The following DNAH8 variants were observed in gnomAD, a reference collection of about 807,000 sequenced individuals.
DNAH8 encodes the protein dynein axonemal heavy chain 8.
In DNAH8, 382 loss-of-function variants were observed where a neutral mutation model predicts 562.1. The observed-to-expected ratio is 0.68, with a 90% CI of 0.63 to 0.74. The LOEUF (loss-of-function observed/expected upper bound fraction) is 0.74. Ranked by LOEUF, DNAH8 falls within the 30% of genes least tolerant of loss-of-function variation. The pLI is 0.00. For synonymous variants in DNAH8, 1,881 were observed against 1,919.4 expected (o/e 0.98, Z 0.52); for missense variants, 5,203 against 5,620.4 (o/e 0.93, Z 2.37).
chr6:39,009,045 AG>A (rs1766002398), intron 89 of DNAH8, 75 bp downstream of exon 89: 1 of 1,119,602 alleles, frequency 8.9e-7, no homozygotes, highest in Admixed American at 2.3e-5. Context: ...TACCTTGAAA[AG>A]CAAGAAATCT....
At chr6:38,968,582 A>G (rs1461095067) in intron 82 of DNAH8, among the ~76,000 whole-genome samples, 1 of 152,144 alleles carries the variant, frequency 6.6e-6, no homozygotes, top group Non-Finnish European at 1.5e-5. Flanking sequence ...TCACAATGAG[A>G]TATTTCTTCA....
intron 53 of DNAH8, among the ~76,000 whole-genome samples, chr6:38,879,654 G>A (rs767031965): frequency 2.0e-5 from 3 of 152,134 alleles, no homozygotes; most frequent in Non-Finnish European, 2.9e-5. Flanking sequence ...AACACAACAA[G>A]GACGTCTTTC....
chr6:38,829,882 T>C (rs770496325), intron 30 of DNAH8, among the ~76,000 whole-genome samples: 3 of 152,218 alleles, frequency 2.0e-5, no homozygotes, highest in Non-Finnish European at 4.4e-5. Context: ...GCAAAACTGT[T>C]ACTCTATTTA....
intron 82 of DNAH8, among the ~76,000 whole-genome samples, chr6:38,958,428 CAG>C (rs1554145759): frequency 2.2e-4 from 24 of 107,888 alleles, no homozygotes; most frequent in Non-Finnish European, 3.2e-4. Flanking sequence ...AAAAAAAAAA[CAG>C]AGATGAAAAA....
At position 38,842,928 on chromosome 6, in the gene DNAH8, C is replaced by T. The variant is rs149058030; in HGVS notation, c.4845+25C>T. The T allele has an allele frequency of 6.4e-4, 1,023 of 1,604,118 alleles. 6 individuals are homozygous for T. The African/African-American group carries it at 0.012, about 18-fold the overall frequency. On this transcript the variant is annotated intron_variant, in intron 35 of 92. Transcript: ENST00000327475. ...GGTACATAAGTGTATACGTTCTTAT[C>T]AATGATCCATTAAAGAATGTCTGCT...
At chr6:38,852,876 G>GA (rs1261355295) in intron 40 of DNAH8, 78 bp downstream of exon 40, 27 of 1,114,638 alleles carry the variant, frequency 2.4e-5, no homozygotes, top group Non-Finnish European at 2.9e-5. Context: ...TTCTCTTACA[G>GA]AAAAAAACAG....
intron 19 of DNAH8, 29 bp from the exon 20 acceptor site, chr6:38,790,260 A>G: frequency 8.4e-7 from 1 of 1,187,366 alleles, no homozygotes. Flanking sequence ...TGTTGATAAT[A>G]GAAGCAGTTG....
chr6:38,910,359 A>G (rs532812763), intron 65 of DNAH8, among the ~76,000 whole-genome samples: 3 of 152,348 alleles, frequency 2.0e-5, no homozygotes, highest in South Asian at 2.1e-4. Context: ...AAATGGGCCA[A>G]CGTGGATCCC....
At chr6:38,969,585 G>A (rs749498909) in intron 82 of DNAH8, among the ~76,000 whole-genome samples, 7 of 151,888 alleles carry the variant, frequency 4.6e-5, no homozygotes, top group Non-Finnish European at 8.8e-5. Flanking sequence ...GATGTGAAGG[G>A]AGTGAGTCTG....
At chr6:38,727,417 G>T (rs1050547775) in intron 3 of DNAH8, among the ~76,000 whole-genome samples, 4 of 152,222 alleles carry the variant, frequency 2.6e-5, no homozygotes, top group African/African-American at 9.6e-5. Context: ...GAGGGCAGAA[G>T]GGGAGAGAAG....
chr6:39,016,630 C>T (rs1766592086), intron 91 of DNAH8, among the ~76,000 whole-genome samples: 1 of 151,918 alleles, frequency 6.6e-6, no homozygotes, highest in Non-Finnish European at 1.5e-5. Flanking sequence ...AGTTTCATCA[C>T]AAATATATAT....
Position 38,823,685 on chromosome 6 carries a change from A to G in DNAH8, c.3844A>G (p.Thr1282Ala). ...TGTTGTAGGAGCACTTGAATTACAT[A>G]CAGGTATTTTAAAAATGTTTATTAT... ...IIVVGALELH[T>A]EPMKLALSIE... The change falls in exon 28 of 93, where the codon ACA becomes GCA. Residue 1282 changes from threonine (T) to alanine (A), a missense_variant. Coordinates refer to ENST00000327475, the MANE Select transcript of DNAH8 (RefSeq NM_001206927.2). 1 of 1,590,832 alleles carries G rather than the reference A, an allele frequency of 6.3e-7. No homozygotes were observed. Among genetic ancestry groups the G allele is most frequent in the Non-Finnish European group, 8.6e-7 (1 of 1,164,802 alleles).
chr6:38,867,923 C>A, intron 47 of DNAH8, 139 bp from the exon 48 acceptor site: 1 of 732,594 alleles, frequency 1.4e-6, no homozygotes, highest in Non-Finnish European at 2.2e-6. Flanking sequence ...GGAAGTTGAG[C>A]TAATAAACCT....
Position 38,723,464 on chromosome 6 carries a change from G to A in DNAH8, c.518G>A (p.Cys173Tyr). The change falls in exon 3 of 93, where the codon TGC becomes TAC. Residue 173 changes from cysteine (C) to tyrosine (Y), a missense_variant. Physicochemically the swap from Cys to Tyr is radical, Grantham distance 194. Around this residue, in one of 6 missense-constraint regions of DNAH8, gnomAD observed 556 missense variants for 496.9 expected, o/e 1.12. Transcript: ENST00000327475. ...IVTVEELILD[C>Y]PSLEAFTNFF... ...ACTGTTGAAGAATTAATTTTGGATT[G>A]CCCATCTGTAAGTTTAAGTCTTATC... is the stretch of plus-strand genomic sequence containing the variant. 6.2e-7 allele frequency: 1 copy of A among 1,604,082 alleles called. No homozygotes were observed. The highest frequency in any genetic ancestry group is 2.2e-5 in the East Asian group (1 of 44,836).
chr6:38,993,889 T>C (rs1435512143), intron 88 of DNAH8, among the ~76,000 whole-genome samples: 1 of 152,228 alleles, frequency 6.6e-6, no homozygotes, highest in Non-Finnish European at 1.5e-5. Flanking sequence ...CATTAATAAC[T>C]TTATGCTTGT....
intron 83 of DNAH8, among the ~76,000 whole-genome samples, chr6:38,973,288 GT>G (rs1426357637): frequency 5.3e-5 from 8 of 152,142 alleles, no homozygotes; most frequent in Non-Finnish European, 1.2e-4. Context: ...AGTCTTCTGG[GT>G]TTTGGGGGTG....
At chr6:38,782,550 G>A (rs1768735670) in intron 16 of DNAH8, among the ~76,000 whole-genome samples, 1 of 152,166 alleles carries the variant, frequency 6.6e-6, no homozygotes, top group Non-Finnish European at 1.5e-5. Flanking sequence ...CCAAAGTGCT[G>A]GGATTACAGG....
In DNAH8 at chr6:38,775,916, T is replaced by C. The variant is rs536718309; in HGVS notation, c.1927T>C (p.Phe643Leu). The C allele has an allele frequency of 6.2e-7, 1 of 1,612,912 alleles. No homozygotes were observed. The highest frequency in any genetic ancestry group is 1.3e-5 in the African/African-American group (1 of 74,998). ...AAGAAGGACAGAATTTGACACAGATTTCTTAGATTTCATGACAAAAATCAA... is the reference window on the plus strand; with the variant it reads ...AAGAAGGACAGAATTTGACACAGATCTCTTAGATTTCATGACAAAAATCAA... Reference protein sequence around the residue: ...DPRRTEFDTDFLDFMTKINGL... With the variant: ...DPRRTEFDTDLLDFMTKINGL... Residue 643 changes from phenylalanine (F) to leucine (L), a missense_variant, in exon 13 of 93, where the codon TTC becomes CTC. Phe to Leu is a conservative substitution (Grantham distance 22). Coordinates refer to ENST00000327475, the MANE Select transcript of DNAH8 (RefSeq NM_001206927.2).
At chr6:39,023,255 G>A (rs1257056337) in intron 91 of DNAH8, among the ~76,000 whole-genome samples, 5 of 152,178 alleles carry the variant, frequency 3.3e-5, no homozygotes, top group Admixed American at 6.5e-5. Flanking sequence ...CACTTTGGGA[G>A]GCCGAGGCAG....
Sources: allele counts gnomAD v4.1 joint callset (sites outside exome capture counted in the v4.1 genomes callset), GRCh38; gene constraint gnomAD v4.1.1; regional missense constraint gnomAD v4.1.1; transcripts MANE v1.5; gene names NCBI Gene and HGNC (gene_info 2026-07-23, HGNC 2026-07-21).